SORCS3: variants seen among roughly 807,000 people sequenced by gnomAD.
The protein encoded by SORCS3 is sortilin related VPS10 domain containing receptor 3, also known as VPS10 domain-containing receptor SorCS3.
SORCS3 carries 57 observed loss-of-function variants against 146.3 expected under a neutral mutation model. The observed-to-expected ratio is 0.39, with a 90% CI of 0.31 to 0.49. SORCS3 has a LOEUF of 0.49. SORCS3 is among the 20% of genes least tolerant of loss of function. The probability of loss-of-function intolerance (pLI) is 0.92; values close to 1 mark genes in which losing one functional copy is unlikely to be tolerated. For synonymous variants in SORCS3, 653 were observed against 618.5 expected, an observed-to-expected ratio of 1.06 and a Z score of -0.83; for missense variants, 1,341 against 1,575.5, an observed-to-expected ratio of 0.85 and a Z score of 2.52.
At chr10:104,648,535 T>A (rs936330152) in intron 1 of SORCS3, among the ~76,000 whole-genome samples, 2 of 152,188 alleles carry the variant, frequency 1.3e-5, no homozygotes, top group African/African-American at 4.8e-5. Context: ...GGCCATACTC[T>A]ATAGTCAACC....
At chr10:105,203,320 A>T (rs1009881750) in intron 16 of SORCS3, among the ~76,000 whole-genome samples, 3 of 152,320 alleles carry the variant, frequency 2.0e-5, no homozygotes, top group Non-Finnish European at 2.9e-5. Flanking sequence ...AAATATTTTC[A>T]ATTATTAATC....
chr10:104,983,816 T>C (rs1055140525), intron 4 of SORCS3, among the ~76,000 whole-genome samples: 5 of 152,034 alleles, frequency 3.3e-5, no homozygotes, highest in African/African-American at 1.2e-4. Context: ...AGGCCACTTA[T>C]GCTCCCTCCA....
intron 2 of SORCS3, among the ~76,000 whole-genome samples, chr10:104,868,150 G>A (rs574751190): frequency 1.9e-4 from 29 of 152,320 alleles, no homozygotes; most frequent in African/African-American, 5.8e-4. Flanking sequence ...TCACTCTGAC[G>A]TCAGAATGCT....
chr10:104,956,345 C>T (rs2019489834), intron 3 of SORCS3, among the ~76,000 whole-genome samples: 1 of 152,196 alleles, frequency 6.6e-6, no homozygotes, highest in Non-Finnish European at 1.5e-5. Context: ...CAGTGTTTAT[C>T]AGCCTTTACA....
At chr10:104,752,798 T>C (rs2017003791) in intron 1 of SORCS3, among the ~76,000 whole-genome samples, 1 of 152,202 alleles carries the variant, frequency 6.6e-6, no homozygotes, top group African/African-American at 2.4e-5. Context: ...CTGTTGAGGT[T>C]CTGATAGTTA....
chr10:104,839,670 G>C (rs2018114909), intron 1 of SORCS3, among the ~76,000 whole-genome samples: 1 of 152,150 alleles, frequency 6.6e-6, no homozygotes, highest in Non-Finnish European at 1.5e-5. Context: ...GAATTAAGAG[G>C]TAAAATTGAA....
intron 1 of SORCS3, among the ~76,000 whole-genome samples, chr10:104,810,686 G>A (rs987515849): frequency 2.2e-4 from 33 of 152,306 alleles, no homozygotes; most frequent in African/African-American, 7.0e-4. Context: ...GAGGGTATAA[G>A]TGTTTTTAAA....
intron 2 of SORCS3, among the ~76,000 whole-genome samples, chr10:104,866,055 C>T (rs940979569): frequency 3.3e-5 from 5 of 152,072 alleles, no homozygotes; most frequent in African/African-American, 1.2e-4. Flanking sequence ...TAGAACAGAG[C>T]TGAAAAGTGA....
chr10:105,070,899 G>A (rs746081081), intron 5 of SORCS3, among the ~76,000 whole-genome samples: 6 of 152,184 alleles, frequency 3.9e-5, no homozygotes, highest in Non-Finnish European at 7.3e-5. Flanking sequence ...CCCAGAGCCA[G>A]TTGTACAGAA....
At chr10:104,786,483 G>C (rs936747955) in intron 1 of SORCS3, among the ~76,000 whole-genome samples, 1 of 151,016 alleles carries the variant, frequency 6.6e-6, no homozygotes, top group African/African-American at 2.4e-5. Context: ...GGGAGGTGGA[G>C]GTTGCAGTGA....
At chr10:105,035,614 C>G (rs1481884538) in intron 4 of SORCS3, among the ~76,000 whole-genome samples, 1 of 151,774 alleles carries the variant, frequency 6.6e-6, no homozygotes, top group Admixed American at 6.6e-5. Context: ...ACTACAGGTG[C>G]CCGCCACCAG....
intron 1 of SORCS3, among the ~76,000 whole-genome samples, chr10:104,797,987 T>G (rs1488462090): frequency 6.6e-6 from 1 of 152,124 alleles, no homozygotes; most frequent in Non-Finnish European, 1.5e-5. Flanking sequence ...AGCCCAGAAG[T>G]GTTGTTAGTC....
chr10:104,662,759 T>C (rs1167970217), intron 1 of SORCS3, among the ~76,000 whole-genome samples: 2 of 152,126 alleles, frequency 1.3e-5, no homozygotes, highest in Admixed American at 1.3e-4. Flanking sequence ...AGGTGAGAAG[T>C]AATAGGGTGT....
chr10:104,973,370 A>T, intron 3 of SORCS3, among the ~76,000 whole-genome samples: 1 of 152,056 alleles, frequency 6.6e-6, no homozygotes, highest in Non-Finnish European at 1.5e-5. Context: ...CCACAATTTC[A>T]GCTCCTGTTA....
At chr10:105,043,887 T>A (rs2055352932) in intron 5 of SORCS3, among the ~76,000 whole-genome samples, 1 of 152,194 alleles carries the variant, frequency 6.6e-6, no homozygotes, top group Non-Finnish European at 1.5e-5. Flanking sequence ...CCTTTATGCA[T>A]GCATACTATT....
intron 1 of SORCS3, among the ~76,000 whole-genome samples, chr10:104,676,144 C>T (rs2015910499): frequency 1.3e-5 from 2 of 151,860 alleles, no homozygotes; most frequent in Admixed American, 6.6e-5. Context: ...TTCATTATGT[C>T]ATCTGTGAAC....
intron 7 of SORCS3, among the ~76,000 whole-genome samples, chr10:105,133,932 T>C (rs944038286): frequency 6.6e-6 from 1 of 152,180 alleles, no homozygotes; most frequent in African/African-American, 2.4e-5. Flanking sequence ...CACTCTAGCC[T>C]GGGTGACAGA....
chr10:104,793,017 A>G (rs766422510), intron 1 of SORCS3, among the ~76,000 whole-genome samples: 11 of 152,218 alleles, frequency 7.2e-5, no homozygotes, highest in Non-Finnish European at 1.3e-4. Context: ...TCAGGCAAGT[A>G]TGATTCCCAT....
chr10:104,933,638 G>A (rs2019231251), intron 3 of SORCS3, among the ~76,000 whole-genome samples: 2 of 152,170 alleles, frequency 1.3e-5, no homozygotes, highest in South Asian at 4.1e-4. Context: ...CTGCTGCACT[G>A]CCTTATAAGG....
Sources: gnomAD v4.1 joint callset for allele counts (sites outside exome capture counted in the v4.1 genomes callset) on GRCh38, gnomAD v4.1.1 for gene constraint, MANE v1.5 for transcripts, NCBI Gene and HGNC (gene_info 2026-07-23, HGNC 2026-07-21) for gene names.